Variants in USH2A observed in about 807,000 individuals in gnomAD.
USH2A encodes Usher syndrome 2A (autosomal recessive, mild).
A neutral mutation model predicts 538.9 loss-of-function variants in USH2A; 443 were observed. The ratio of observed to expected loss-of-function variants is 0.82; its 90% CI spans 0.76 to 0.89. The LOEUF is 0.89. Ranked by LOEUF, USH2A falls within the 40% of genes least tolerant of loss-of-function variation. USH2A has a pLI of 0.00. For missense variants in USH2A, 6,633 were observed against 6,324.8 expected (o/e 1.05, Z -1.65); for synonymous variants, 2,413 against 2,273.5 (o/e 1.06, Z -1.75).
At chr1:216,005,409 C>T (rs973831810) in intron 32 of USH2A, among the ~76,000 whole-genome samples, 2 of 152,030 alleles carry the variant, frequency 1.3e-5, no homozygotes, top group Non-Finnish European at 2.9e-5. Context: ...TTATATCCTT[C>T]CCAGGAGAAT....
chr1:215,671,283 G>C lies in USH2A; in HGVS notation c.13822C>G (p.Arg4608Gly), dbSNP rs367674026. 6.2e-7 allele frequency: 1 copy of C among 1,613,758 alleles called. No individual in the cohort carries two copies. The change falls in exon 64 of 72, where the codon CGA becomes GGA. Residue 4608 changes from arginine (R) to glycine (G), a missense_variant. By Grantham distance (125) the Arg-to-Gly change is moderately radical. Transcript: ENST00000307340. ...QLKPFHRYEI[R>G]IQACTTLGCA... ...CCCAGGGTGGTGCACGCTTGAATTC[G>C]TATTTCATACCTTCAGGACATAAGG...
At chr1:215,749,430 C>T (rs1444420726) in intron 58 of USH2A, among the ~76,000 whole-genome samples, 1 of 152,156 alleles carries the variant, frequency 6.6e-6, no homozygotes, top group East Asian at 1.9e-4. Flanking sequence ...CTATGAGGTG[C>T]TGAAACAGAA....
At chr1:215,893,768 G>A (rs1232350661) in intron 40 of USH2A, among the ~76,000 whole-genome samples, 1 of 152,104 alleles carries the variant, frequency 6.6e-6, no homozygotes, top group Non-Finnish European at 1.5e-5. Flanking sequence ...AGATTCGAGA[G>A]CTTAAGTGGG....
chr1:216,324,395 T>C (rs776723261), intron 6 of USH2A, 43 bp from the exon 7 acceptor site: 40 of 1,510,760 alleles, frequency 2.6e-5, no homozygotes, highest in Non-Finnish European at 3.4e-5. Context: ...GTTTTAAGTT[T>C]AACCATCAGT....
In USH2A at chr1:216,042,107, G is replaced by A. The variant is rs551586722; in HGVS notation, c.6325+4324C>T. ...TATCCATTATATGCTATATGAGATG[G>A]AATATAATGTTATTCAAAACATTTC... On this transcript the variant is annotated intron_variant, in intron 32 of 71. Coordinates refer to ENST00000307340, the MANE Select transcript of USH2A (RefSeq NM_206933.4). Among the ~76,000 whole-genome samples, 4 of 152,054 alleles carry A rather than the reference G, an allele frequency of 2.6e-5. No homozygotes were observed. In the South Asian group the frequency reaches 8.3e-4, roughly 32 times the overall value.
chr1:216,095,229 C>T (rs1445424176), intron 22 of USH2A, among the ~76,000 whole-genome samples: 1 of 152,040 alleles, frequency 6.6e-6, no homozygotes, highest in Non-Finnish European at 1.5e-5. Context: ...TTCCGATTCG[C>T]TTCTTAGTGA....
chr1:215,913,744 T>TC (rs1046832450), intron 38 of USH2A, among the ~76,000 whole-genome samples: 17 of 152,014 alleles, frequency 1.1e-4, no homozygotes, highest in African/African-American at 3.9e-4. Flanking sequence ...TCGAGTTTTT[T>TC]TTTTCCATAA....
intron 63 of USH2A, 78 bp from the exon 64 acceptor site, chr1:215,671,371 T>C (rs1657811607): frequency 2.1e-6 from 3 of 1,406,050 alleles, no homozygotes; most frequent in Admixed American, 2.0e-5. Flanking sequence ...ACACCAGGCC[T>C]TAAAAAAAAA....
intron 14 of USH2A, among the ~76,000 whole-genome samples, chr1:216,227,882 G>A (rs1280346820): frequency 6.6e-6 from 1 of 152,150 alleles, no homozygotes; most frequent in African/African-American, 2.4e-5. Flanking sequence ...CTTTCCCCAC[G>A]TCCTCACAGA....
At chr1:216,049,167 T>G (rs2030651791) in intron 30 of USH2A, among the ~76,000 whole-genome samples, 1 of 152,244 alleles carries the variant, frequency 6.6e-6, no homozygotes, top group South Asian at 2.1e-4. Flanking sequence ...ACAAACCATT[T>G]GTTTATGTTG....
rs893018569 is a variant in USH2A at position 216,103,697 on chromosome 1, T to C, written c.4628-6484A>G. On this transcript the variant is annotated intron_variant, in intron 21 of 71. Coordinates refer to ENST00000307340, the MANE Select transcript of USH2A (RefSeq NM_206933.4). ...ACATGTAGAATACATAAAAAAATCC[T>C]ACAACTCAATAAAAAGCCAAGCAAC... is the stretch of plus-strand genomic sequence containing the variant. Among the ~76,000 whole-genome samples, 7 of 152,250 alleles carry C rather than the reference T, an allele frequency of 4.6e-5. 1 individual carries two copies. The South Asian group carries it at 1.0e-3, about 23-fold the overall frequency.
Position 215,933,585 on chromosome 1 carries a change from C to T in USH2A, c.7300+1031G>A, listed in dbSNP as rs370101259. Among the ~76,000 whole-genome samples, 15 of 151,910 alleles carry T rather than the reference C, an allele frequency of 9.9e-5. No homozygotes were observed. In the East Asian group the frequency reaches 1.5e-3, roughly 16 times the overall value. ...TTTTATGATACAACAAGTAATGAATCTTTTTTGCAGGGGAGCGGTTCCATA... is the reference window on the plus strand; with the variant it reads ...TTTTATGATACAACAAGTAATGAATTTTTTTTGCAGGGGAGCGGTTCCATA... On this transcript the variant is annotated intron_variant, in intron 38 of 71. Transcript: ENST00000307340.
At chr1:216,075,740 A>G (rs1482575615) in intron 27 of USH2A, among the ~76,000 whole-genome samples, 1 of 152,142 alleles carries the variant, frequency 6.6e-6, no homozygotes, top group Non-Finnish European at 1.5e-5. Flanking sequence ...TAAGAAGATA[A>G]ACTCTCATCA....
At chr1:215,904,755 C>T (rs1180164708) in intron 38 of USH2A, among the ~76,000 whole-genome samples, 6 of 151,954 alleles carry the variant, frequency 3.9e-5, no homozygotes, top group Non-Finnish European at 1.5e-5. Flanking sequence ...TTCTACACAG[C>T]GACTAGATAA....
chr1:215,797,220 T>A (rs1404569622), intron 50 of USH2A, among the ~76,000 whole-genome samples: 2 of 152,166 alleles, frequency 1.3e-5, no homozygotes, highest in African/African-American at 4.8e-5. Flanking sequence ...GAAGAATAGA[T>A]GAAAGCTAAC....
chr1:216,400,375 T>A (rs1176251152), intron 3 of USH2A, among the ~76,000 whole-genome samples: 1 of 150,770 alleles, frequency 6.6e-6, no homozygotes, highest in East Asian at 1.9e-4. Flanking sequence ...TTACCTAATT[T>A]GAACAAATAA....
chr1:216,107,656 T>C (rs1309392585), intron 21 of USH2A, among the ~76,000 whole-genome samples: 1 of 151,056 alleles, frequency 6.6e-6, no homozygotes, highest in Non-Finnish European at 1.5e-5. Context: ...ATCTTGCTAT[T>C]TGAATTCTCT....
chr1:216,327,481 C>G, intron 5 of USH2A, 110 bp downstream of exon 5: 1 of 1,327,356 alleles, frequency 7.5e-7, no homozygotes, highest in Non-Finnish European at 1.1e-6. Context: ...GTGAAGTTTG[C>G]CAAATGGTAT....
At chr1:215,879,126 G>C in intron 41 of USH2A, 28 bp from the exon 42 acceptor site, 1 of 1,587,214 alleles carries the variant, frequency 6.3e-7, no homozygotes, top group Non-Finnish European at 8.7e-7. Flanking sequence ...CTTAGAATCA[G>C]TGTGACGATA....
Sources: gnomAD v4.1 joint callset for allele counts (sites outside exome capture counted in the v4.1 genomes callset) on GRCh38, gnomAD v4.1.1 for gene constraint, MANE v1.5 for transcripts, NCBI Gene and HGNC (gene_info 2026-07-23, HGNC 2026-07-21) for gene names.